The following DOC2B variants were observed in gnomAD, a reference collection of about 807,000 sequenced individuals.
The protein encoded by DOC2B is double C2 domain beta.
DOC2B carries 21 observed loss-of-function variants against 28.9 expected under a neutral mutation model. That is an observed-to-expected ratio of 0.73 (90% CI 0.52 to 1.05). DOC2B has a LOEUF of 1.05. DOC2B is among the 50% of genes least tolerant of loss of function. The pLI is 0.00. For synonymous variants in DOC2B, 194 were observed against 178.1 expected, an observed-to-expected ratio of 1.09 and a Z score of -0.71; for missense variants, 384 against 421.1, an observed-to-expected ratio of 0.91 and a Z score of 0.77.
intron 6 of DOC2B, among the ~76,000 whole-genome samples, chr17:150,692 G>A (rs1471102975): frequency 6.6e-6 from 1 of 152,212 alleles, no homozygotes; most frequent in Non-Finnish European, 1.5e-5. Context: ...GATTAGGAGA[G>A]AGAAATGAAG....
intron 3 of DOC2B, among the ~76,000 whole-genome samples, chr17:163,111 G>T (rs999873195): frequency 1.3e-5 from 2 of 152,176 alleles, no homozygotes; most frequent in Admixed American, 6.5e-5. Flanking sequence ...TAAGGAGACT[G>T]CTCTTTATAA....
At chr17:157,155 C>T (rs997174215) in intron 5 of DOC2B, among the ~76,000 whole-genome samples, 6 of 152,218 alleles carry the variant, frequency 3.9e-5, no homozygotes, top group Admixed American at 1.3e-4. Flanking sequence ...CTTCCGCGGA[C>T]GGTCTTCCAC....
Position 143,809 on chromosome 17 carries a change from G to A in DOC2B, c.*3632C>T, listed in dbSNP as rs2039999944. The A allele has an allele frequency of 6.6e-6, 1 of 152,046 alleles. No individual in the cohort carries two copies. The highest frequency in any genetic ancestry group is 2.4e-5 in the African/African-American group (1 of 41,448). The allele number at this position is 152,046 out of a possible 1,614,324, so 9.4% of individuals were successfully genotyped here. On this transcript the variant is annotated 3_prime_UTR_variant, in exon 9 of 9. Transcript: ENST00000613549. Reference sequence around the variant, plus strand: ...ACCAAAATACAAAACTTGTCTGTGGGACTGCAGTTTGAGGACAGTGTCTGC... The same window carrying A: ...ACCAAAATACAAAACTTGTCTGTGGAACTGCAGTTTGAGGACAGTGTCTGC...
intron 6 of DOC2B, among the ~76,000 whole-genome samples, chr17:152,353 G>A (rs1035207118): frequency 3.3e-5 from 5 of 152,192 alleles, no homozygotes; most frequent in African/African-American, 1.2e-4. Flanking sequence ...CGACATGTCA[G>A]CGATTGTCAC....
intron 8 of DOC2B, among the ~76,000 whole-genome samples, 155 bp from the exon 9 acceptor site, chr17:147,732 T>G (rs1462924697): frequency 6.6e-6 from 1 of 152,154 alleles, no homozygotes; most frequent in Non-Finnish European, 1.5e-5. Context: ...CATGCCACAC[T>G]CTGGCCCCGT....
Position 166,708 on chromosome 17 carries a change from G to A in DOC2B, c.454-2504C>T, listed in dbSNP as rs570813751. ...CTCATGGTCTGACACTCTTCTTGAC[G>A]TAGTGAATACGTCTCACGAGATCTC... On this transcript the variant is annotated intron_variant, in intron 2 of 8. Transcript: ENST00000613549. Among the ~76,000 whole-genome samples the A allele has an allele frequency of 2.7e-5, 4 of 150,654 alleles. No homozygotes were observed. The South Asian group carries it at 6.4e-4, about 24-fold the overall frequency.
intron 3 of DOC2B, 46 bp from the exon 4 acceptor site, chr17:162,236 A>G (rs779905560): frequency 7.0e-7 from 1 of 1,427,262 alleles, no homozygotes; most frequent in East Asian, 2.5e-5. Context: ...GTGTGTATCA[A>G]ACAGAACAAT....
At chr17:176,927 G>A (rs1567540184) in intron 1 of DOC2B, among the ~76,000 whole-genome samples, 1 of 151,976 alleles carries the variant, frequency 6.6e-6, no homozygotes, top group African/African-American at 2.4e-5. Context: ...CTCTAAGGCC[G>A]AGCACCCCCT....
chr17:147,287 T>A lies in DOC2B; in HGVS notation c.*154A>T, dbSNP rs940459980. The A allele has an allele frequency of 1.0e-5, 4 of 381,472 alleles. No homozygotes were observed. The highest frequency in any genetic ancestry group is 1.4e-5 in the Non-Finnish European group (3 of 216,520). The allele number at this position is 381,472 out of a possible 1,614,324, so 23.6% of individuals were successfully genotyped here. On this transcript the variant is annotated 3_prime_UTR_variant, in exon 9 of 9. Coordinates refer to ENST00000613549, the MANE Select transcript of DOC2B (RefSeq NM_003585.5). ...TCCCAGAGTGGCTGAGCCCTCCACA[T>A]CCTCCGAGCGGGGACTGCAGTGGCT...
intron 3 of DOC2B, 134 bp downstream of exon 3, chr17:163,996 G>A: frequency 4.5e-6 from 3 of 670,384 alleles, no homozygotes; most frequent in East Asian, 5.5e-5. Context: ...CTTGGACTCT[G>A]AGGGGAGTGG....
intron 6 of DOC2B, among the ~76,000 whole-genome samples, chr17:153,889 A>G (rs1265890084): frequency 6.6e-6 from 1 of 152,062 alleles, no homozygotes; most frequent in East Asian, 1.9e-4. Flanking sequence ...CCTCTAGTTC[A>G]AATTTATTCA....
intron 6 of DOC2B, chr17:155,934 G>A (rs961332776): frequency 5.3e-5 from 22 of 416,098 alleles, no homozygotes; most frequent in Non-Finnish European, 8.1e-5. Flanking sequence ...GCCCCTCCTG[G>A]GCCCCTCAGT....
rs559705178 is a variant in DOC2B at position 177,557 on chromosome 17, TG to T, written c.373+3549del. Among the ~76,000 whole-genome samples, 578 of 152,374 alleles carry T rather than the reference TG, an allele frequency of 3.8e-3. 2 individuals are homozygous for T. The highest frequency in any genetic ancestry group is 0.01 in the Middle Eastern group (3 of 294). ...CAGTCTTAGGGCTGAGCCCTCTCTGTGAGTGACCTCCGCCTGCCAGAGCTTT... is the reference window on the plus strand; with the variant it reads ...CAGTCTTAGGGCTGAGCCCTCTCTGTAGTGACCTCCGCCTGCCAGAGCTTT... On this transcript the variant is annotated intron_variant, in intron 1 of 8. Transcript: ENST00000613549.
chr17:149,012 C>A (rs950753013), intron 7 of DOC2B, 99 bp downstream of exon 7: 4 of 397,372 alleles, frequency 1.0e-5, no homozygotes, highest in Non-Finnish European at 1.8e-5. Flanking sequence ...TCTCTGACCA[C>A]CCTCCCCATC....
chr17:181,199 G>C lies in DOC2B; in HGVS notation c.281C>G (p.Pro94Arg), dbSNP rs2040438685. 2 of 1,232,308 alleles carry C rather than the reference G, an allele frequency of 1.6e-6. No homozygotes were observed. The highest frequency in any genetic ancestry group is 4.3e-5 in the Admixed American group (1 of 23,268). 76.3% of individuals were successfully genotyped at this position (1,232,308 alleles called of 1,614,324 possible). A position where few individuals can be genotyped will look rare whatever the true frequency, so the allele number is the denominator to read the frequency against. ...DQLFGAYGSS[P>R]GPSPGPSPAR... ...GGGGCTGGGACCCGGGCTGGGGCCCGGGCTGGAGCCGTAGGCTCCGAAGAG... is the reference window on the plus strand; with the variant it reads ...GGGGCTGGGACCCGGGCTGGGGCCCCGGCTGGAGCCGTAGGCTCCGAAGAG... The change falls in exon 1 of 9, where the codon CCG (proline) becomes CGG (arginine). Residue 94 changes from proline (P) to arginine (R), a missense_variant. By Grantham distance (103) the Pro-to-Arg change is moderately radical (BLOSUM62 -2). Transcript: ENST00000613549. The surrounding 1 kb of genome is among the most constrained non-coding windows in gnomAD (Gnocchi z 7.0).
At chr17:155,938 C>T (rs2040129898) in intron 6 of DOC2B, 2 of 423,236 alleles carry the variant, frequency 4.7e-6, no homozygotes, top group Admixed American at 8.8e-5. Flanking sequence ...CTCCTGGGCC[C>T]CTCAGTCACA....
In DOC2B at chr17:146,375, T is replaced by C. The variant is rs1301481985; in HGVS notation, c.*1066A>G. ...TCCACTGCAGCTGACCTGATGCTTA[T>C]GCCAGGAAGGAGGAGGGGCGGGCTC... On this transcript the variant is annotated 3_prime_UTR_variant, in exon 9 of 9. Coordinates refer to ENST00000613549, the MANE Select transcript of DOC2B (RefSeq NM_003585.5). 1 of 152,232 alleles carries C rather than the reference T, an allele frequency of 6.6e-6. No homozygotes were observed. Among genetic ancestry groups the C allele is most frequent in the South Asian group, 2.1e-4 (1 of 4,828 alleles). The allele number at this position is 152,232 out of a possible 1,614,324, so 9.4% of individuals were successfully genotyped here. A position where few individuals can be genotyped will look rare whatever the true frequency, so the allele number is the denominator to read the frequency against.
In DOC2B at chr17:142,829, T is replaced by A. The variant is rs2039994393; in HGVS notation, c.*4612A>T. 1 of 152,208 alleles carries A rather than the reference T, an allele frequency of 6.6e-6. No individual in the cohort carries two copies. The highest frequency in any genetic ancestry group is 2.1e-4 in the South Asian group (1 of 4,830). 9.4% of individuals were successfully genotyped at this position (152,208 alleles called of 1,614,324 possible). A position where few individuals can be genotyped will look rare whatever the true frequency, so the allele number is the denominator to read the frequency against. On this transcript the variant is annotated 3_prime_UTR_variant, in exon 9 of 9. Coordinates refer to ENST00000613549, the MANE Select transcript of DOC2B (RefSeq NM_003585.5). ...AAAGGCTTTTATCTCGAGAAATTTC[T>A]GACCTAAAGAATGATGTACAATAAA...
Position 160,137 on chromosome 17 carries a change from C to A in DOC2B, c.765+1278G>T, listed in dbSNP as rs551406515. Among the ~76,000 whole-genome samples the A allele has an allele frequency of 9.1e-3, 1,373 of 151,008 alleles. 19 individuals are homozygous for A. Among genetic ancestry groups the A allele is most frequent in the Middle Eastern group, 0.056 (16 of 286 alleles). ...GTAGCTGGGATTACAGGCATGCACCCCCACACCCGGCTAATTTTTTTATTT... is the reference window on the plus strand; with the variant it reads ...GTAGCTGGGATTACAGGCATGCACCACCACACCCGGCTAATTTTTTTATTT... On this transcript the variant is annotated intron_variant, in intron 5 of 8. Coordinates refer to ENST00000613549, the MANE Select transcript of DOC2B (RefSeq NM_003585.5).
Sources: allele counts gnomAD v4.1 joint callset (sites outside exome capture counted in the v4.1 genomes callset), GRCh38; gene constraint gnomAD v4.1.1; non-coding constraint Gnocchi (gnomAD v3.1); transcripts MANE v1.5; gene names NCBI Gene and HGNC (gene_info 2026-07-23, HGNC 2026-07-21).